ZEB2: variants seen among roughly 807,000 people sequenced by gnomAD.
ZEB2 encodes the protein zinc finger E-box binding homeobox 2.
A neutral mutation model predicts 99.9 loss-of-function variants in ZEB2; 6 were observed. That is an observed-to-expected ratio of 0.06 (90% CI 0.03 to 0.12). The LOEUF (loss-of-function observed/expected upper bound fraction) is 0.12, where lower values mean the gene tolerates loss of function less well. Among genes scored for constraint, ZEB2 ranks in the 10% least tolerant of loss-of-function variants. ZEB2 has a pLI of 1.00. For missense variants in ZEB2, 969 were observed against 1,502.8 expected (o/e 0.64, Z 5.87); for synonymous variants, 517 against 542.5 (o/e 0.95, Z 0.65).
Position 144,398,663 on chromosome 2 carries a change from T to C in ZEB2, c.2524A>G (p.Ile842Val). The change falls in exon 8 of 10, where the codon ATC becomes GTC. Residue 842 changes from isoleucine to valine, a missense_variant. Ile to Val is a conservative substitution (Grantham distance 29). Transcript: ENST00000627532. ...ATKNKTKASS[I>V]SLDHNSVSSS... Reference sequence around the variant, plus strand: ...GAAACACTGTTATGATCTAAACTGATGCTACTAGCTTTTGTTTTGTTCTTT... The same window carrying C: ...GAAACACTGTTATGATCTAAACTGACGCTACTAGCTTTTGTTTTGTTCTTT... 1.2e-6 allele frequency: 2 copies of C among 1,614,008 alleles called. No individual in the cohort carries two copies. The highest frequency in any genetic ancestry group is 2.2e-5 in the South Asian group (2 of 91,076).
chr2:144,399,086 A>T lies in ZEB2; in HGVS notation c.2101T>A (p.Ser701Thr), dbSNP rs1430909297. 1 of 1,614,104 alleles carries T rather than the reference A, an allele frequency of 6.2e-7. No homozygotes were observed. Among genetic ancestry groups the T allele is most frequent in the Admixed American group, 1.7e-5 (1 of 60,012 alleles). ...TCCAGGGATGGGGACCTGGAATTTG[A>T]GTACTGGTAGACTTTTCGTTGTTCA... Reference protein sequence around the residue: ...WFEQRKVYQYSNSRSPSLERS... With the variant: ...WFEQRKVYQYTNSRSPSLERS... The change falls in exon 8 of 10, where the codon TCA (serine) becomes ACA (threonine). Residue 701 changes from serine to threonine, a missense_variant. Coordinates refer to ENST00000627532, the MANE Select transcript of ZEB2 (RefSeq NM_014795.4). The surrounding 1 kb of genome is among the most constrained non-coding windows in gnomAD (Gnocchi z 5.6).
At chr2:144,441,965 C>T (rs762156377) in intron 2 of ZEB2, among the ~76,000 whole-genome samples, 3 of 152,182 alleles carry the variant, frequency 2.0e-5, no homozygotes, top group Non-Finnish European at 4.4e-5. Flanking sequence ...CAGAAGTTTA[C>T]ATAGTCTGCA....
Position 144,396,407 on chromosome 2 carries a change from C to A in ZEB2, c.3067+5G>T. The A allele has an allele frequency of 6.2e-7, 1 of 1,612,934 alleles. No homozygotes were observed. The highest frequency in any genetic ancestry group is 1.1e-5 in the South Asian group (1 of 91,022). On this transcript the variant is annotated splice_donor_5th_base_variant and intron_variant, in intron 9 of 9. Coordinates refer to ENST00000627532, the MANE Select transcript of ZEB2 (RefSeq NM_014795.4). ...CTCTAACCAGTTAGGCAAAGTCACTCATACCTGTGTGTTCGTATTTATGTC... is the reference window on the plus strand; with the variant it reads ...CTCTAACCAGTTAGGCAAAGTCACTAATACCTGTGTGTTCGTATTTATGTC...
At chr2:144,468,505 A>C (rs796121273) in intron 2 of ZEB2, among the ~76,000 whole-genome samples, 5 of 152,274 alleles carry the variant, frequency 3.3e-5, no homozygotes, top group African/African-American at 1.2e-4. Context: ...AGACAACTCA[A>C]ATGTGAGTTT....
intron 2 of ZEB2, among the ~76,000 whole-genome samples, chr2:144,510,947 G>A (rs190443805): frequency 1.3e-5 from 2 of 152,210 alleles, no homozygotes; most frequent in East Asian, 1.9e-4. Flanking sequence ...AAAGACCGCC[G>A]TGTCAGGGGT....
chr2:144,488,670 A>AGTAT (rs1553968745), intron 2 of ZEB2, among the ~76,000 whole-genome samples: 2 of 148,030 alleles, frequency 1.4e-5, no homozygotes, highest in African/African-American at 5.0e-5. Context: ...CTCGTGTGTG[A>AGTAT]GTGTGTGTGT....
At position 144,517,159 on chromosome 2, in the gene ZEB2, C is replaced by T. The variant is rs1051494967; in HGVS notation, c.73+119G>A. On this transcript the variant is annotated intron_variant, in intron 2 of 9. Transcript: ENST00000627532. ...CGCCGGCCGCGGAGGGAGGCTCGCC[C>T]TAGAGCCCTGGGCGCCGCCGCCGCC... The T allele has an allele frequency of 1.2e-5, 17 of 1,366,304 alleles. No homozygotes were observed. In the African/African-American group the frequency reaches 1.9e-4, roughly 15 times the overall value. 84.6% of individuals were successfully genotyped at this position (1,366,304 alleles called of 1,614,324 possible).
intron 2 of ZEB2, chr2:144,512,729 T>C (rs766670434): frequency 5.3e-5 from 68 of 1,287,092 alleles, no homozygotes; most frequent in Middle Eastern, 3.2e-4. Flanking sequence ...TCTACCCCAA[T>C]TGGCTTAGTT....
At chr2:144,432,695 C>G (rs1703789721) in intron 2 of ZEB2, among the ~76,000 whole-genome samples, 1 of 152,034 alleles carries the variant, frequency 6.6e-6, no homozygotes, top group Non-Finnish European at 1.5e-5. Flanking sequence ...CTAGAATGGC[C>G]AATACTTGAT....
chr2:144,429,552 A>G (rs1703739309), intron 3 of ZEB2: 2 of 690,138 alleles, frequency 2.9e-6, no homozygotes, highest in Non-Finnish European at 4.7e-6. Flanking sequence ...TTGCATCAAA[A>G]CTGAAATATA....
chr2:144,404,712 T>C lies in ZEB2; in HGVS notation c.592+124A>G, dbSNP rs549821366. On this transcript the variant is annotated intron_variant, in intron 5 of 9. Coordinates refer to ENST00000627532, the MANE Select transcript of ZEB2 (RefSeq NM_014795.4). ...AAATTACAGTTCTAATCTTTGCTCA[T>C]GAAATTCCATGCCTCTGCAGCTGTT... 2.3e-5 allele frequency: 29 copies of C among 1,281,880 alleles called. No individual in the cohort carries two copies. In the African/African-American group the frequency reaches 4.4e-4, roughly 19 times the overall value. 79.4% of individuals were successfully genotyped at this position (1,281,880 alleles called of 1,614,324 possible).
At chr2:144,453,034 C>G (rs1053658059) in intron 2 of ZEB2, among the ~76,000 whole-genome samples, 2 of 151,986 alleles carry the variant, frequency 1.3e-5, no homozygotes, top group Non-Finnish European at 2.9e-5. Context: ...TATTTAGTTT[C>G]TATATTATAG....
chr2:144,484,185 T>TTGTGTGTGTGTGTGTGTGTGTG (rs10529605), intron 2 of ZEB2, among the ~76,000 whole-genome samples: 14,923 of 142,192 alleles, frequency 0.1, 985 homozygotes, highest in Non-Finnish European at 0.13. Flanking sequence ...AAATCTGGAT[T>TTGTGTGTGTGTGTGTGTGTGTG]TGTGTGTGTG....
At chr2:144,494,334 T>C (rs1296995120) in intron 2 of ZEB2, 1 of 152,164 alleles carries the variant, frequency 6.6e-6, no homozygotes, top group Non-Finnish European at 1.5e-5. Flanking sequence ...TGAATTCCAA[T>C]GAATCCTTGA....
chr2:144,398,045 A>G, intron 8 of ZEB2: 1 of 399,044 alleles, frequency 2.5e-6, no homozygotes, highest in Middle Eastern at 3.6e-4. Flanking sequence ...AAAGCAGATG[A>G]GTCCATCTAA....
At chr2:144,427,142 G>A (rs1456887849) in intron 3 of ZEB2, 1 of 152,190 alleles carries the variant, frequency 6.6e-6, no homozygotes, top group Admixed American at 6.5e-5. Flanking sequence ...AAAATAAAGA[G>A]CACTTTCTTC....
chr2:144,413,980 C>T (rs899047914), intron 4 of ZEB2, among the ~76,000 whole-genome samples: 6 of 152,156 alleles, frequency 3.9e-5, no homozygotes, highest in Non-Finnish European at 5.9e-5. Flanking sequence ...GCTAACGATG[C>T]GATGCACAGA....
chr2:144,514,071 C>G, intron 2 of ZEB2: 1 of 479,082 alleles, frequency 2.1e-6, no homozygotes, highest in Non-Finnish European at 3.5e-6. Context: ...ACTGACTGCC[C>G]GCTATGGGTT....
intron 2 of ZEB2, among the ~76,000 whole-genome samples, chr2:144,498,081 A>G (rs1227473801): frequency 1.1e-5 from 1 of 91,700 alleles, no homozygotes; most frequent in Non-Finnish European, 2.1e-5. Context: ...ATTATATATT[A>G]TATAATATAT....
Sources: gnomAD v4.1 joint callset for allele counts (sites outside exome capture counted in the v4.1 genomes callset) on GRCh38, gnomAD v4.1.1 for gene constraint, Gnocchi (gnomAD v3.1) non-coding constraint, MANE v1.5 for transcripts, NCBI Gene and HGNC (gene_info 2026-07-23, HGNC 2026-07-21) for gene names.